GRAMD4: variants seen among roughly 807,000 people sequenced by gnomAD.
GRAMD4 encodes the protein GRAM domain-containing protein 4.
In GRAMD4, 25 loss-of-function variants were observed where a neutral mutation model predicts 83.9. The observed-to-expected ratio is 0.30, with a 90% CI of 0.22 to 0.42. The LOEUF (loss-of-function observed/expected upper bound fraction) is 0.42, where lower values mean the gene tolerates loss of function less well. Among genes scored for constraint, GRAMD4 ranks in the 10% least tolerant of loss-of-function variants. The probability of loss-of-function intolerance (pLI) is 1.00; values close to 1 mark genes in which losing one functional copy is unlikely to be tolerated. For missense variants in GRAMD4, 593 were observed against 788.7 expected, an observed-to-expected ratio of 0.75 and a Z score of 2.97; for synonymous variants, 336 against 320.9, an observed-to-expected ratio of 1.05 and a Z score of -0.50.
chr22:46,621,122 G>A lies in GRAMD4; in HGVS notation c.-50+557G>A, dbSNP rs1236378183. The stretch of plus-strand genomic sequence containing the variant: ...GCTAGAAGTGGGGAGGGCAGGGGCC[G>A]TCTGGTTGGGGATGCGCGGCTGCAG... On this transcript the variant is annotated intron_variant, in intron 1 of 18. Coordinates refer to ENST00000406902, the MANE Select transcript of GRAMD4 (RefSeq NM_015124.5). The surrounding 1 kb of genome is among the most constrained non-coding windows in gnomAD (Gnocchi z 5.8). Among the ~76,000 whole-genome samples, 1 of 152,134 alleles carries A rather than the reference G, an allele frequency of 6.6e-6. No homozygotes were observed. The highest frequency in any genetic ancestry group is 1.5e-5 in the Non-Finnish European group (1 of 68,010).
intron 1 of GRAMD4, among the ~76,000 whole-genome samples, chr22:46,579,114 A>G (rs1448607947): frequency 6.6e-6 from 1 of 152,196 alleles, no homozygotes; most frequent in African/African-American, 2.4e-5. Context: ...AGAGCACGGG[A>G]AAGTCTCCAA....
chr22:46,624,714 T>A (rs1290392202), intron 1 of GRAMD4, among the ~76,000 whole-genome samples: 1 of 152,196 alleles, frequency 6.6e-6, no homozygotes, highest in Non-Finnish European at 1.5e-5. Context: ...GGGAAGCTTT[T>A]CCAAATGGCT....
At chr22:46,616,085 A>G (rs1421615587), upstream of GRAMD4, among the ~76,000 whole-genome samples, 1 of 52,918 alleles carries the variant, frequency 1.9e-5, no homozygotes, top group African/African-American at 8.4e-5. Flanking sequence ...GGTTCCCCCA[A>G]GCGTGTAGGT....
chr22:46,622,937 G>T lies in GRAMD4; in HGVS notation c.-50+2372G>T, dbSNP rs2081598692. Among the ~76,000 whole-genome samples, 1 of 150,352 alleles carries T rather than the reference G, an allele frequency of 6.7e-6. No homozygotes were observed. The stretch of plus-strand genomic sequence containing the variant: ...TAAAAAAAAAAAAAAAAAAACTGAT[G>T]AAATTGGTAATATTTATATTATGTG... On this transcript the variant is annotated intron_variant, in intron 1 of 18. Transcript: ENST00000406902. The surrounding 1 kb of genome is among the most constrained non-coding windows in gnomAD (Gnocchi z 4.0).
At chr22:46,601,898 G>GC in intron 1 of GRAMD4, among the ~76,000 whole-genome samples, 1 of 152,324 alleles carries the variant, frequency 6.6e-6, no homozygotes, top group Admixed American at 6.5e-5. Context: ...GATGGCTTCA[G>GC]CCCCCAGTTC....
chr22:46,672,897 C>T lies in GRAMD4; in HGVS notation c.1139C>T (p.Pro380Leu), dbSNP rs764265042. 10 of 1,612,114 alleles carry T rather than the reference C, an allele frequency of 6.2e-6. No individual in the cohort carries two copies. The highest frequency in any genetic ancestry group is 4.5e-5 in the East Asian group (2 of 44,886). ...FLIDFIFKRCPRLRAKYDTPY... is the reference protein window; with the variant it reads ...FLIDFIFKRCLRLRAKYDTPY... Reference sequence around the variant, plus strand: ...ATTGATTTCATCTTTAAACGCTGCCCGAGGCTGCGCGCCAAGTACGACACG... The same window carrying T: ...ATTGATTTCATCTTTAAACGCTGCCTGAGGCTGCGCGCCAAGTACGACACG... The change falls in exon 14 of 19, where the codon CCG becomes CTG. Residue 380 changes from proline (P) to leucine (L), a missense_variant. Physicochemically the swap from Pro to Leu is moderately conservative, Grantham distance 98 (BLOSUM62 -3). Transcript: ENST00000406902. The surrounding 1 kb of genome is among the most constrained non-coding windows in gnomAD (Gnocchi z 4.7).
chr22:46,615,906 AG>A (rs1333859355), upstream of GRAMD4, among the ~76,000 whole-genome samples: 1 of 82,950 alleles, frequency 1.2e-5, no homozygotes, highest in African/African-American at 4.9e-5. Context: ...CTGTGCGTGT[AG>A]GTTCCCCCGT....
At chr22:46,579,565 C>T (rs970660020) in intron 1 of GRAMD4, among the ~76,000 whole-genome samples, 4 of 152,306 alleles carry the variant, frequency 2.6e-5, no homozygotes, top group South Asian at 4.1e-4. Flanking sequence ...CCCCACTTGA[C>T]GGGTCCTGGT....
intron 1 of GRAMD4, among the ~76,000 whole-genome samples, chr22:46,593,264 C>T (rs1411885527): frequency 2.0e-5 from 3 of 152,080 alleles, no homozygotes; most frequent in Non-Finnish European, 2.9e-5. Context: ...TCTCCCCTGC[C>T]TGGTTCCTTT....
At chr22:46,636,767 G>A (rs1241070230) in intron 2 of GRAMD4, among the ~76,000 whole-genome samples, 1 of 152,250 alleles carries the variant, frequency 6.6e-6, no homozygotes, top group Non-Finnish European at 1.5e-5. Context: ...GGCAGGCCTG[G>A]CTGTGCCGGG....
chr22:46,626,140 C>T (rs1361130881), intron 1 of GRAMD4, among the ~76,000 whole-genome samples: 7 of 152,174 alleles, frequency 4.6e-5, no homozygotes, highest in South Asian at 2.1e-4. Flanking sequence ...TCCTGGGAGC[C>T]GGGGCCAGGT....
intron 1 of GRAMD4, among the ~76,000 whole-genome samples, chr22:46,624,415 G>A (rs1321518503): frequency 1.5e-5 from 2 of 130,880 alleles, no homozygotes; most frequent in African/African-American, 5.8e-5. Flanking sequence ...TGCAAGCTCC[G>A]CCTCCCGGGT....
At chr22:46,658,102 G>C in intron 3 of GRAMD4, 85 bp from the exon 4 acceptor site, 2 of 1,553,490 alleles carry the variant, frequency 1.3e-6, no homozygotes, top group Non-Finnish European at 1.8e-6. Context: ...TGCTGTTTCT[G>C]AGTCAGGCAC....
chr22:46,677,905 C>G lies in GRAMD4; in HGVS notation c.*654C>G. On this transcript the variant is annotated 3_prime_UTR_variant, in exon 19 of 19. Transcript: ENST00000406902. ...GAGGGTGAGAAGGGCCCACCCCTCG[C>G]CTGCCCTCAGTGTCTTTGGTGGCAC... The G allele has an allele frequency of 1.0e-6, 1 of 985,184 alleles. No homozygotes were observed. Among genetic ancestry groups the G allele is most frequent in the Non-Finnish European group, 1.2e-6 (1 of 829,638 alleles). 61.0% of individuals were successfully genotyped at this position (985,184 alleles called of 1,614,324 possible).
Position 46,678,914 on chromosome 22 carries a change from G to T in GRAMD4, c.*1663G>T, listed in dbSNP as rs1195401075. ...CGGAGCCCCCGTGGCTCTGGACTGC[G>T]CGGACGTTGGCGTCAGGATGACCAC... is the stretch of plus-strand genomic sequence containing the variant. On this transcript the variant is annotated 3_prime_UTR_variant, in exon 19 of 19. Transcript: ENST00000406902. 6.8e-5 allele frequency: 67 copies of T among 985,766 alleles called. No individual in the cohort carries two copies. Among genetic ancestry groups the T allele is most frequent in the Non-Finnish European group, 7.8e-5 (65 of 830,008 alleles). The allele number at this position is 985,766 out of a possible 1,614,324, so 61.1% of individuals were successfully genotyped here. A position where few individuals can be genotyped will look rare whatever the true frequency, so the allele number is the denominator to read the frequency against.
intron 15 of GRAMD4, among the ~76,000 whole-genome samples, chr22:46,674,250 G>A (rs1420672497): frequency 6.6e-6 from 1 of 152,202 alleles, no homozygotes; most frequent in Non-Finnish European, 1.5e-5. Context: ...AAACCGGGCA[G>A]CTCGAGGTGT....
intron 1 of GRAMD4, among the ~76,000 whole-genome samples, chr22:46,605,027 C>G (rs1229689888): frequency 8.9e-6 from 1 of 112,382 alleles, no homozygotes; most frequent in Non-Finnish European, 1.8e-5. Context: ...GTTTTGGTGC[C>G]ATAATGTTCT....
intron 2 of GRAMD4, among the ~76,000 whole-genome samples, chr22:46,630,462 C>T (rs190956262): frequency 9.2e-5 from 14 of 152,318 alleles, no homozygotes; most frequent in Non-Finnish European, 1.5e-5. Context: ...CATGCAGAGG[C>T]CCGAGATTGC....
rs1441328627 is a variant in GRAMD4 at position 46,679,402 on chromosome 22, C to T, written c.*2151C>T. 6 of 985,338 alleles carry T rather than the reference C, an allele frequency of 6.1e-6. No homozygotes were observed. The highest frequency in any genetic ancestry group is 1.1e-4 in the East Asian group (1 of 8,812). 61.0% of individuals were successfully genotyped at this position (985,338 alleles called of 1,614,324 possible). ...GAGCGGGGGGTCGGGGGAGGGCCAC[C>T]GACTGGCTCTGCTGCCAGCACAGGC... On this transcript the variant is annotated 3_prime_UTR_variant, in exon 19 of 19. Coordinates refer to ENST00000406902, the MANE Select transcript of GRAMD4 (RefSeq NM_015124.5).
Sources: allele counts gnomAD v4.1 joint callset (sites outside exome capture counted in the v4.1 genomes callset), GRCh38; gene constraint gnomAD v4.1.1; non-coding constraint Gnocchi (gnomAD v3.1); transcripts MANE v1.5; gene names NCBI Gene and HGNC (gene_info 2026-07-23, HGNC 2026-07-21).